Variants in SUMF1 observed in about 807,000 individuals in gnomAD.
The protein encoded by SUMF1 is formylglycine-generating enzyme.
SUMF1 carries 48 observed loss-of-function variants against 47.6 expected under a neutral mutation model. The ratio of observed to expected loss-of-function variants is 1.01; its 90% CI spans 0.80 to 1.28. The LOEUF (loss-of-function observed/expected upper bound fraction) is 1.28. Ranked by LOEUF, SUMF1 falls within the 50% of genes most tolerant of loss-of-function variation. The pLI, the probability that SUMF1 is intolerant of heterozygous loss-of-function variation, is 0.00. For missense variants in SUMF1, 571 were observed against 485.4 expected, an observed-to-expected ratio of 1.18 and a Z score of -1.66; for synonymous variants, 230 against 192.1, an observed-to-expected ratio of 1.20 and a Z score of -1.63.
At chr3:4,405,019 C>G (rs1007129984) in intron 7 of SUMF1, among the ~76,000 whole-genome samples, 1 of 152,098 alleles carries the variant, frequency 6.6e-6, no homozygotes, top group African/African-American at 2.4e-5. Flanking sequence ...AGAGGAGGAT[C>G]AGGAGGCAAG....
intron 8 of SUMF1, among the ~76,000 whole-genome samples, chr3:4,226,590 G>A (rs549321777): frequency 2.2e-4 from 33 of 151,868 alleles, no homozygotes; most frequent in Non-Finnish European, 3.8e-4. Context: ...TTTAATCTCC[G>A]CAGCACTTAT....
chr3:4,221,414 GGTGTGTGTGTGTGTGT>G (rs113359661), intron 8 of SUMF1, among the ~76,000 whole-genome samples: 4 of 148,200 alleles, frequency 2.7e-5, no homozygotes, highest in East Asian at 4.0e-4. Context: ...GGTTTTTTGG[GGTGTGTGTGTGTGTGT>G]GTGTGTGTGT....
At chr3:4,151,103 G>C (rs540647307) in intron 8 of SUMF1, among the ~76,000 whole-genome samples, 5 of 151,254 alleles carry the variant, frequency 3.3e-5, no homozygotes, top group Non-Finnish European at 5.9e-5. Context: ...TCAAGAAACA[G>C]TGTAGCACAG....
At chr3:4,351,812 T>C (rs550358702) in intron 8 of SUMF1, among the ~76,000 whole-genome samples, 92 of 152,300 alleles carry the variant, frequency 6.0e-4, no homozygotes, top group Non-Finnish European at 9.1e-4. Flanking sequence ...CCCTTCAAGT[T>C]TGGAGTGGAT....
chr3:4,392,607 GTGTGTGTGTATATATA>G (rs1054506154), intron 7 of SUMF1, among the ~76,000 whole-genome samples: 4 of 95,142 alleles, frequency 4.2e-5, no homozygotes, highest in African/African-American at 7.9e-5. Context: ...GTGTGTGTGT[GTGTGTGTGTATATATA>G]TATATATATA....
chr3:4,312,479 A>ATAAC (rs917309266), intron 8 of SUMF1, among the ~76,000 whole-genome samples: 7 of 152,120 alleles, frequency 4.6e-5, no homozygotes, highest in Non-Finnish European at 2.9e-5. Context: ...TATATAACAT[A>ATAAC]CTATTATATA....
chr3:4,219,319 C>T (rs1224520384), intron 8 of SUMF1, among the ~76,000 whole-genome samples: 1 of 152,106 alleles, frequency 6.6e-6, no homozygotes, highest in Non-Finnish European at 1.5e-5. Flanking sequence ...TATTGCTGAT[C>T]CCATTTTACA....
intron 9 of SUMF1, among the ~76,000 whole-genome samples, chr3:4,066,715 C>T (rs1041198318): frequency 2.6e-5 from 4 of 152,112 alleles, no homozygotes; most frequent in South Asian, 2.1e-4. Context: ...GCCATCTTCC[C>T]GGCCGATGTC....
intron 9 of SUMF1, among the ~76,000 whole-genome samples, chr3:4,057,490 T>A (rs1047808789): frequency 1.3e-5 from 2 of 152,058 alleles, no homozygotes; most frequent in African/African-American, 2.4e-5. Context: ...AGAAAGAACA[T>A]AGAGAAACAA....
intron 1 of SUMF1, 125 bp downstream of exon 1, chr3:4,466,851 G>A: frequency 7.2e-7 from 1 of 1,395,700 alleles, no homozygotes; most frequent in East Asian, 2.5e-5. Context: ...GGGAACAGCA[G>A]GTGCTCGATT....
At chr3:4,369,371 G>A (rs1700098520) in intron 8 of SUMF1, among the ~76,000 whole-genome samples, 1 of 152,186 alleles carries the variant, frequency 6.6e-6, no homozygotes, top group Non-Finnish European at 1.5e-5. Context: ...CAAATGACTA[G>A]AGGTGACCAT....
intron 8 of SUMF1, among the ~76,000 whole-genome samples, chr3:4,199,083 G>A (rs1695489522): frequency 1.3e-5 from 2 of 152,182 alleles, no homozygotes; most frequent in African/African-American, 4.8e-5. Context: ...CAGTTGTGCA[G>A]CCATCACCAC....
At chr3:4,374,344 A>G (rs1293127420) in intron 8 of SUMF1, among the ~76,000 whole-genome samples, 2 of 152,252 alleles carry the variant, frequency 1.3e-5, no homozygotes, top group Non-Finnish European at 2.9e-5. Flanking sequence ...GCAAGACTCA[A>G]GATGAACATA....
At chr3:4,309,684 C>T (rs1446193943) in intron 8 of SUMF1, among the ~76,000 whole-genome samples, 1 of 152,178 alleles carries the variant, frequency 6.6e-6, no homozygotes, top group African/African-American at 2.4e-5. Flanking sequence ...TAGGCCTCAT[C>T]TACGTGGCAG....
chr3:4,467,042 G>A lies in SUMF1; in HGVS notation c.204C>T (p.His68=). The A allele has an allele frequency of 6.4e-7, 1 of 1,573,226 alleles. No homozygotes were observed. The highest frequency in any genetic ancestry group is 8.6e-7 in the Non-Finnish European group (1 of 1,160,780). ...PGAHGSSAAA[H]RYSREANAPG... is the part of the protein sequence containing the mutation. ...GAGCGTTAGCCTCCCGCGAGTATCG[G>A]TGAGCGGCTGCCGAACTGCCATGGG... Residue 68 remains histidine (H), a synonymous_variant, in exon 1 of 9, where the codon CAC becomes CAT. Transcript: ENST00000272902.
chr3:4,141,669 TCAAACAAA>T (rs138261177), intron 8 of SUMF1, among the ~76,000 whole-genome samples: 22 of 151,804 alleles, frequency 1.4e-4, no homozygotes, highest in African/African-American at 2.4e-4. Context: ...CTTCAAAGCC[TCAAACAAA>T]CAAACAAACA....
intron 8 of SUMF1, among the ~76,000 whole-genome samples, chr3:4,275,409 A>G (rs940877891): frequency 1.6e-4 from 25 of 152,142 alleles, no homozygotes; most frequent in African/African-American, 6.0e-4. Context: ...CTACTTCCAG[A>G]TATAACATTC....
chr3:4,098,850 G>C (rs1692965425), intron 8 of SUMF1, among the ~76,000 whole-genome samples: 1 of 152,154 alleles, frequency 6.6e-6, no homozygotes, highest in Admixed American at 6.5e-5. Context: ...ACAGGCCTGA[G>C]AGGAAGCCAC....
intron 8 of SUMF1, among the ~76,000 whole-genome samples, chr3:4,219,781 A>T (rs539324480): frequency 6.6e-6 from 1 of 152,264 alleles, no homozygotes; most frequent in East Asian, 1.9e-4. Flanking sequence ...AAATCCATGG[A>T]ATCAGAATCT....
Sources: allele counts gnomAD v4.1 joint callset (sites outside exome capture counted in the v4.1 genomes callset), GRCh38; gene constraint gnomAD v4.1.1; transcripts MANE v1.5; gene names NCBI Gene and HGNC (gene_info 2026-07-23, HGNC 2026-07-21).